Variants in ZSWIM6 observed in about 807,000 individuals in gnomAD.
ZSWIM6 encodes the protein zinc finger SWIM-type containing 6.
ZSWIM6 carries 9 observed loss-of-function variants against 113.2 expected under a neutral mutation model. That is an observed-to-expected ratio of 0.08 (90% CI 0.05 to 0.14). ZSWIM6 has a LOEUF of 0.14. Ranked by LOEUF, ZSWIM6 falls within the 10% of genes least tolerant of loss-of-function variation. The probability of loss-of-function intolerance (pLI) is 1.00; values close to 1 mark genes in which losing one functional copy is unlikely to be tolerated. For synonymous variants in ZSWIM6, 611 were observed against 606.5 expected, an observed-to-expected ratio of 1.01 and a Z score of -0.11; for missense variants, 1,162 against 1,552.2, an observed-to-expected ratio of 0.75 and a Z score of 4.22.
rs1481806918 is a variant in ZSWIM6 at position 61,377,261 on chromosome 5, A to G, written c.676+44313A>G. 6.6e-5 allele frequency among the ~76,000 whole-genome samples: 10 copies of G among 152,282 alleles called. No individual in the cohort carries two copies. The South Asian group carries it at 1.2e-3, about 19-fold the overall frequency. On this transcript the variant is annotated intron_variant, in intron 1 of 13. Coordinates refer to ENST00000252744, the MANE Select transcript of ZSWIM6 (RefSeq NM_020928.2). ...AAATAAAGTTGGATCTATAATTTATACCTCCACCAGAATGAAATTTAAATG... is the reference window on the plus strand; with the variant it reads ...AAATAAAGTTGGATCTATAATTTATGCCTCCACCAGAATGAAATTTAAATG...
chr5:61,382,172 TTC>T (rs1745501126), intron 1 of ZSWIM6, among the ~76,000 whole-genome samples: 1 of 152,190 alleles, frequency 6.6e-6, no homozygotes, highest in Non-Finnish European at 1.5e-5. Context: ...TGCATGCCGA[TTC>T]TCTCCACACA....
rs1281597473 is a variant in ZSWIM6, at chr5:61,544,198, G to A, written c.3529G>A (p.Glu1177Lys). The A allele has an allele frequency of 6.4e-7, 1 of 1,551,708 alleles. No individual in the cohort carries two copies. The highest frequency in any genetic ancestry group is 1.2e-5 in the South Asian group (1 of 84,062). ...TATAGAGTTCCTCAGCAAAGCCCGA[G>A]AGACCTTCTTAATGGCGCATGATGG... ...EFIEFLSKARETFLMAHDGHI... is the reference protein window; with the variant it reads ...EFIEFLSKARKTFLMAHDGHI... Residue 1177 changes from glutamate (E) to lysine (K), a missense_variant, in exon 14 of 14, where the codon GAG becomes AAG. Coordinates refer to ENST00000252744, the MANE Select transcript of ZSWIM6 (RefSeq NM_020928.2).
intron 1 of ZSWIM6, among the ~76,000 whole-genome samples, chr5:61,353,312 G>A (rs1177799610): frequency 2.0e-5 from 3 of 152,154 alleles, no homozygotes; most frequent in Non-Finnish European, 4.4e-5. Flanking sequence ...TTACAAGCAT[G>A]ATTTCTAGCT....
At chr5:61,373,372 CTTTTTT>C (rs748556109) in intron 1 of ZSWIM6, among the ~76,000 whole-genome samples, 1 of 102,968 alleles carries the variant, frequency 9.7e-6, no homozygotes, top group African/African-American at 4.1e-5. Flanking sequence ...CTCAGTATTT[CTTTTTT>C]TTTTTTTTTT....
intron 13 of ZSWIM6, among the ~76,000 whole-genome samples, chr5:61,542,716 T>G (rs1749774712): frequency 6.6e-6 from 1 of 152,290 alleles, no homozygotes; most frequent in East Asian, 1.9e-4. Context: ...ATATAAAGAT[T>G]ATCTTTACAT....
chr5:61,474,291 G>A (rs1400704844), intron 2 of ZSWIM6, among the ~76,000 whole-genome samples: 1 of 152,132 alleles, frequency 6.6e-6, no homozygotes, highest in Non-Finnish European at 1.5e-5. Flanking sequence ...ATCATGTTAA[G>A]GTTTACCCAT....
At chr5:61,438,843 CA>C (rs1746765907) in intron 1 of ZSWIM6, among the ~76,000 whole-genome samples, 1 of 152,134 alleles carries the variant, frequency 6.6e-6, no homozygotes, top group Non-Finnish European at 1.5e-5. Context: ...ACTCCAAGAA[CA>C]GCAGGTTGTG....
At chr5:61,366,440 A>G (rs1745154102) in intron 1 of ZSWIM6, among the ~76,000 whole-genome samples, 1 of 152,208 alleles carries the variant, frequency 6.6e-6, no homozygotes, top group African/African-American at 2.4e-5. Context: ...AAGGTGAATA[A>G]GCAACTCAAA....
At chr5:61,386,700 G>A (rs1197324088) in intron 1 of ZSWIM6, among the ~76,000 whole-genome samples, 2 of 152,152 alleles carry the variant, frequency 1.3e-5, no homozygotes, top group Non-Finnish European at 2.9e-5. Context: ...CTTGAGTGTT[G>A]CTAATCAGGA....
chr5:61,456,686 A>T (rs1747211284), intron 1 of ZSWIM6, among the ~76,000 whole-genome samples: 1 of 152,038 alleles, frequency 6.6e-6, no homozygotes, highest in African/African-American at 2.4e-5. Flanking sequence ...TGTTCAGTAG[A>T]GGTTGAAAGT....
At chr5:61,452,681 T>C (rs1747110459) in intron 1 of ZSWIM6, among the ~76,000 whole-genome samples, 1 of 152,200 alleles carries the variant, frequency 6.6e-6, no homozygotes, top group Non-Finnish European at 1.5e-5. Context: ...AATGTTAATA[T>C]CTGCATTACC....
chr5:61,512,675 C>T (rs377073436), intron 4 of ZSWIM6, among the ~76,000 whole-genome samples: 5 of 152,102 alleles, frequency 3.3e-5, no homozygotes, highest in South Asian at 2.1e-4. Context: ...TATTATAATA[C>T]GTATATAATG....
chr5:61,450,758 C>G (rs2112157271), intron 1 of ZSWIM6, among the ~76,000 whole-genome samples: 1 of 152,108 alleles, frequency 6.6e-6, no homozygotes, highest in South Asian at 2.1e-4. Flanking sequence ...AAATAATAAA[C>G]AATGATTTAT....
At chr5:61,521,925 A>T in intron 5 of ZSWIM6, among the ~76,000 whole-genome samples, 1 of 152,140 alleles carries the variant, frequency 6.6e-6, no homozygotes. Flanking sequence ...CGACTGAAGG[A>T]CATAGAATGC....
intron 2 of ZSWIM6, among the ~76,000 whole-genome samples, chr5:61,480,868 A>G (rs1020971457): frequency 1.3e-5 from 2 of 152,132 alleles, no homozygotes; most frequent in Non-Finnish European, 2.9e-5. Context: ...TAAGCCACCG[A>G]TTTAATGTTT....
At chr5:61,437,608 G>A (rs1201922399) in intron 1 of ZSWIM6, among the ~76,000 whole-genome samples, 3 of 151,138 alleles carry the variant, frequency 2.0e-5, no homozygotes, top group African/African-American at 4.9e-5. Flanking sequence ...CTTGGTCCCA[G>A]CTGCTTGAGA....
intron 1 of ZSWIM6, chr5:61,375,544 A>G (rs1745356178): frequency 1.4e-5 from 22 of 1,550,048 alleles, no homozygotes; most frequent in Non-Finnish European, 1.9e-5. Context: ...ATCTTCTGAA[A>G]GCTCCATGTC....
chr5:61,445,816 A>G (rs1283216510), intron 1 of ZSWIM6, among the ~76,000 whole-genome samples: 3 of 152,236 alleles, frequency 2.0e-5, no homozygotes, highest in African/African-American at 7.2e-5. Flanking sequence ...CTCATACTCA[A>G]GGTAAAAAAT....
Position 61,332,391 on chromosome 5 carries a change from C to A in ZSWIM6, c.119C>A (p.Ser40Tyr). The change falls in exon 1 of 14, where the codon TCT becomes TAT. Residue 40 changes from serine (S) to tyrosine (Y), a missense_variant. By Grantham distance (144) the Ser-to-Tyr change is moderately radical. Coordinates refer to ENST00000252744, the MANE Select transcript of ZSWIM6 (RefSeq NM_020928.2). ...GGCGGCGCGGGTGGCGGCTACAGCT[C>A]TGCCTGTCGGCCAGGCCCGCGGGCG... ...GGGGAGGGYS[S>Y]ACRPGPRAGG... 1.0e-6 allele frequency: 1 copy of A among 990,330 alleles called. No homozygotes were observed. The highest frequency in any genetic ancestry group is 1.2e-6 in the Non-Finnish European group (1 of 834,582). 61.3% of individuals were successfully genotyped at this position (990,330 alleles called of 1,614,324 possible).
Sources: gnomAD v4.1 joint callset for allele counts (sites outside exome capture counted in the v4.1 genomes callset) on GRCh38, gnomAD v4.1.1 for gene constraint, MANE v1.5 for transcripts, NCBI Gene and HGNC (gene_info 2026-07-23, HGNC 2026-07-21) for gene names.